The following ARPC3 variants were observed in gnomAD, a reference collection of about 807,000 sequenced individuals.
The protein encoded by ARPC3 is actin-related protein 2/3 complex subunit 3.
ARPC3 carries 12 observed loss-of-function variants against 27.6 expected under a neutral mutation model. The observed-to-expected ratio is 0.43, with a 90% CI of 0.28 to 0.70. The LOEUF is 0.70. Ranked by LOEUF, ARPC3 falls within the 30% of genes least tolerant of loss-of-function variation. The pLI is 0.17. For missense variants in ARPC3, 153 were observed against 207.7 expected, an observed-to-expected ratio of 0.74 and a Z score of 1.62; for synonymous variants, 53 against 67.2, an observed-to-expected ratio of 0.79 and a Z score of 1.03.
In ARPC3 at chr12:110,437,127, T is replaced by G. The variant is rs757646513; in HGVS notation, c.209A>C (p.Tyr70Ser). Residue 70 changes from tyrosine (Y) to serine (S), a missense_variant, in exon 4 of 7, where the codon TAT becomes TCT. Coordinates refer to ENST00000228825, the MANE Select transcript of ARPC3 (RefSeq NM_001278556.2). ...ACATTCAGAAATGTAGAGAGTTATA[T>G]ATATCAAGGTCCTATCAGCTTCATT... The part of the protein sequence containing the change: ...IKNEADRTLI[Y>S]ITLYISECLK... 1 of 1,601,642 alleles carries G rather than the reference T, an allele frequency of 6.2e-7. No homozygotes were observed. Among genetic ancestry groups the G allele is most frequent in the Non-Finnish European group, 8.6e-7 (1 of 1,169,586 alleles).
At chr12:110,449,812 T>G (rs1325195262) in intron 1 of ARPC3, among the ~76,000 whole-genome samples, 3 of 152,114 alleles carry the variant, frequency 2.0e-5, no homozygotes, top group Non-Finnish European at 2.9e-5. Flanking sequence ...TGGCCGCCGC[T>G]GCCGGGAAGT....
chr12:110,447,968 A>C (rs2062475455), intron 1 of ARPC3, among the ~76,000 whole-genome samples: 1 of 144,622 alleles, frequency 6.9e-6, no homozygotes, highest in Admixed American at 7.4e-5. Flanking sequence ...CTGCAGCCTC[A>C]AACTCCTGGC....
In ARPC3 at chr12:110,450,302, G is replaced by C. The variant is rs749473076; in HGVS notation, c.-42C>G. ...TTTCAACCCAGAGGAGCAGGATCCA[G>C]GTACAGCGGAGCGCTTCCGGTCTGG... On this transcript the variant is annotated 5_prime_UTR_variant, in exon 1 of 7. Coordinates refer to ENST00000228825, the MANE Select transcript of ARPC3 (RefSeq NM_001278556.2). 9.3e-6 allele frequency: 15 copies of C among 1,613,626 alleles called. No individual in the cohort carries two copies. The highest frequency in any genetic ancestry group is 1.3e-5 in the Non-Finnish European group (15 of 1,179,862).
In ARPC3 at chr12:110,435,452, C is replaced by A. The variant is rs555133959; in HGVS notation, c.475-235G>T. On this transcript the variant is annotated intron_variant, in intron 6 of 6. Transcript: ENST00000228825. ...TCATGCCATTCTCCTGCCTTAGCCT[C>A]CCCAGTAGCTGGGACTACAGGCGCC... is the stretch of plus-strand genomic sequence containing the variant. Among the ~76,000 whole-genome samples the A allele has an allele frequency of 5.3e-5, 8 of 151,874 alleles. No individual in the cohort carries two copies. The East Asian group carries it at 1.5e-3, about 29-fold the overall frequency.
At chr12:110,445,332 A>G in intron 2 of ARPC3, 120 bp downstream of exon 2, 1 of 786,920 alleles carries the variant, frequency 1.3e-6, no homozygotes, top group African/African-American at 1.7e-5. Flanking sequence ...GTATCTACCA[A>G]GCAAAGTACA....
At position 110,436,098 on chromosome 12, in the gene ARPC3, A is replaced by G; in HGVS notation, c.474+12T>C. 1 of 1,600,172 alleles carries G rather than the reference A, an allele frequency of 6.2e-7. No individual in the cohort carries two copies. Among genetic ancestry groups the G allele is most frequent in the South Asian group, 1.1e-5 (1 of 90,790 alleles). ...TGATTTACCAATTAAGCAGGCAAGAAGAGGGTCTTACCTTGCTGGGTTTAT... is the reference window on the plus strand; with the variant it reads ...TGATTTACCAATTAAGCAGGCAAGAGGAGGGTCTTACCTTGCTGGGTTTAT... On this transcript the variant is annotated intron_variant, in intron 6 of 6. Coordinates refer to ENST00000228825, the MANE Select transcript of ARPC3 (RefSeq NM_001278556.2).
At chr12:110,440,018 T>C (rs184191121) in intron 3 of ARPC3, among the ~76,000 whole-genome samples, 6 of 152,144 alleles carry the variant, frequency 3.9e-5, no homozygotes, top group Non-Finnish European at 5.9e-5. Flanking sequence ...AAAGTAACTA[T>C]AGATAATATA....
At chr12:110,436,709 T>TACACACACACACAC (rs777146647) in intron 4 of ARPC3, 26 bp from the exon 5 acceptor site, 2 of 546,292 alleles carry the variant, frequency 3.7e-6, no homozygotes, top group African/African-American at 5.4e-5. Context: ...TATATATATA[T>TACACACACACACAC]ATACACACAC....
Position 110,445,478 on chromosome 12 carries a change from T to C in ARPC3, c.80A>G (p.Gln27Arg), listed in dbSNP as rs1188014521. ...GNMALLPIRS[Q>R]FKGPAPRETK... is the part of the protein sequence containing the mutation. ...CTCTCTGGGGGCAGGTCCTTTGAAT[T>C]GACTTCTGATAGGCAACAGTGCCAT... Residue 27 changes from glutamine (Q) to arginine (R), a missense_variant, in exon 2 of 7, where the codon CAA becomes CGA. Gln to Arg is a conservative substitution (Grantham distance 43). Coordinates refer to ENST00000228825, the MANE Select transcript of ARPC3 (RefSeq NM_001278556.2). 6.2e-7 allele frequency: 1 copy of C among 1,613,130 alleles called. No individual in the cohort carries two copies. Among genetic ancestry groups the C allele is most frequent in the South Asian group, 1.1e-5 (1 of 91,074 alleles).
In ARPC3 at chr12:110,438,778, G is replaced by T. The variant is rs1443075570; in HGVS notation, c.183+1534C>A. ...CCTGCCTCAGCCTCCCAAGTAGCTG[G>T]GATTACAGGCACGCACCACCACGCC... is the stretch of plus-strand genomic sequence containing the variant. On this transcript the variant is annotated intron_variant, in intron 3 of 6. Coordinates refer to ENST00000228825, the MANE Select transcript of ARPC3 (RefSeq NM_001278556.2). 8.0e-5 allele frequency among the ~76,000 whole-genome samples: 12 copies of T among 150,868 alleles called. No homozygotes were observed. In the Middle Eastern group the frequency reaches 0.01, roughly 130 times the overall value.
intron 3 of ARPC3, among the ~76,000 whole-genome samples, chr12:110,437,811 A>T (rs2062414483): frequency 6.6e-6 from 1 of 152,174 alleles, no homozygotes; most frequent in Admixed American, 6.5e-5. Flanking sequence ...GCTAATTTTT[A>T]AAAACCCTTC....
At chr12:110,448,160 A>T (rs1030430397) in intron 1 of ARPC3, among the ~76,000 whole-genome samples, 1 of 151,942 alleles carries the variant, frequency 6.6e-6, no homozygotes, top group Non-Finnish European at 1.5e-5. Flanking sequence ...GATTACAGGC[A>T]TAAGCCACTG....
At chr12:110,447,576 C>A (rs923348890) in intron 1 of ARPC3, among the ~76,000 whole-genome samples, 1 of 152,102 alleles carries the variant, frequency 6.6e-6, no homozygotes, top group South Asian at 2.1e-4. Context: ...AGATCGAGAC[C>A]ACCCTGACCA....
intron 6 of ARPC3, 69 bp from the exon 7 acceptor site, chr12:110,435,286 A>C: frequency 1.6e-6 from 2 of 1,246,400 alleles, no homozygotes; most frequent in Non-Finnish European, 2.3e-6. Flanking sequence ...TTTATTTAAT[A>C]ATAAAATTTC....
At chr12:110,436,056 G>A (rs2062402186) in intron 6 of ARPC3, 54 bp downstream of exon 6, 1 of 1,349,574 alleles carries the variant, frequency 7.4e-7, no homozygotes, top group Non-Finnish European at 1.1e-6. Flanking sequence ...GTTCAATGGT[G>A]GCTATGGGAT....
At chr12:110,443,379 A>C (rs1393400164) in intron 2 of ARPC3, among the ~76,000 whole-genome samples, 6 of 151,900 alleles carry the variant, frequency 3.9e-5, no homozygotes, top group Admixed American at 6.6e-5. Flanking sequence ...TGGCCTCCCA[A>C]AGTGCTAAAG....
rs2062495665 is a variant in ARPC3 at position 110,450,330 on chromosome 12, G to C, written c.-70C>G. 2 of 1,607,202 alleles carry C rather than the reference G, an allele frequency of 1.2e-6. No individual in the cohort carries two copies. The highest frequency in any genetic ancestry group is 1.7e-6 in the Non-Finnish European group (2 of 1,175,134). ...ACAGCGGAGCGCTTCCGGTCTGGCA[G>C]CCTGGGCGAGGTAGGCGGAAGCGAA... On this transcript the variant is annotated 5_prime_UTR_variant, in exon 1 of 7. Coordinates refer to ENST00000228825, the MANE Select transcript of ARPC3 (RefSeq NM_001278556.2).
chr12:110,439,945 T>C (rs1236556863), intron 3 of ARPC3, among the ~76,000 whole-genome samples: 1 of 152,210 alleles, frequency 6.6e-6, no homozygotes, highest in Non-Finnish European at 1.5e-5. Context: ...GCAGGCAGTA[T>C]TTTTAGGTTT....
Position 110,450,291 on chromosome 12 carries a change from A to G in ARPC3, c.-31T>C. ...CGGCGCCCGGGTTTCAACCCAGAGG[A>G]GCAGGATCCAGGTACAGCGGAGCGC... On this transcript the variant is annotated 5_prime_UTR_variant, in exon 1 of 7. Transcript: ENST00000228825. 1.9e-6 allele frequency: 3 copies of G among 1,613,862 alleles called. No homozygotes were observed. Among genetic ancestry groups the G allele is most frequent in the Non-Finnish European group, 2.5e-6 (3 of 1,179,922 alleles).
Sources: gnomAD v4.1 joint callset for allele counts (sites outside exome capture counted in the v4.1 genomes callset) on GRCh38, gnomAD v4.1.1 for gene constraint, MANE v1.5 for transcripts, NCBI Gene and HGNC (gene_info 2026-07-23, HGNC 2026-07-21) for gene names.